The following ASTN2 variants were observed in gnomAD, a reference collection of about 807,000 sequenced individuals.
The protein encoded by ASTN2 is astrotactin-2.
A neutral mutation model predicts 139.8 loss-of-function variants in ASTN2; 54 were observed. The observed-to-expected ratio is 0.39, with a 90% confidence interval of 0.31 to 0.48. ASTN2 has a LOEUF of 0.48. Among genes scored for constraint, ASTN2 ranks in the 20% least tolerant of loss-of-function variants. The probability of loss-of-function intolerance (pLI) is 0.95; values close to 1 mark genes in which losing one functional copy is unlikely to be tolerated. For synonymous variants in ASTN2, 756 were observed against 719.5 expected, an observed-to-expected ratio of 1.05 and a Z score of -0.81; for missense variants, 1,565 against 1,725.1, an observed-to-expected ratio of 0.91 and a Z score of 1.64.
chr9:117,026,805 T>C (rs1043916614), intron 6 of ASTN2, among the ~76,000 whole-genome samples: 6 of 152,186 alleles, frequency 3.9e-5, no homozygotes, highest in Admixed American at 3.3e-4. Flanking sequence ...GGCCTTAAAG[T>C]AGCTTTGGAA....
At chr9:117,246,378 C>G (rs1043135296) in intron 2 of ASTN2, among the ~76,000 whole-genome samples, 1 of 152,184 alleles carries the variant, frequency 6.6e-6, no homozygotes, top group Admixed American at 6.5e-5. Flanking sequence ...AAATTATGCA[C>G]AGTGCAAATC....
intron 5 of ASTN2, among the ~76,000 whole-genome samples, chr9:117,064,878 G>A (rs1392568731): frequency 1.3e-5 from 2 of 151,898 alleles, no homozygotes; most frequent in Non-Finnish European, 2.9e-5. Context: ...TTCAACTGCT[G>A]TTTCTCTGCT....
chr9:116,790,966 GGAAAGAAA>G (rs1180188046), intron 13 of ASTN2, among the ~76,000 whole-genome samples: 5,967 of 65,544 alleles, frequency 0.091, 283 homozygotes, highest in Non-Finnish European at 0.11. Context: ...AAAGAAAGAA[GGAAAGAAA>G]GAAAGAAAGA....
intron 1 of ASTN2, among the ~76,000 whole-genome samples, chr9:117,385,818 AAAG>A (rs768853101): frequency 4.1e-4 from 63 of 152,304 alleles, no homozygotes; most frequent in Non-Finnish European, 7.5e-4. Flanking sequence ...AACTGAGACA[AAAG>A]AAGAGAGAGA....
intron 14 of ASTN2, among the ~76,000 whole-genome samples, chr9:116,732,654 A>C (rs1828819225): frequency 1.3e-5 from 2 of 152,194 alleles, no homozygotes; most frequent in Admixed American, 6.5e-5. Context: ...AGGAACTGGG[A>C]GCAAAAAAAG....
At chr9:117,047,430 C>T (rs1838778559) in intron 5 of ASTN2, among the ~76,000 whole-genome samples, 1 of 152,098 alleles carries the variant, frequency 6.6e-6, no homozygotes, top group Admixed American at 6.6e-5. Context: ...CTATGGTATC[C>T]TTTAAATGAT....
At position 117,253,066 on chromosome 9, in the gene ASTN2, G is replaced by A. The variant is rs554413149; in HGVS notation, c.630+38260C>T. On this transcript the variant is annotated intron_variant, in intron 2 of 22. Coordinates refer to ENST00000313400, the MANE Select transcript of ASTN2 (RefSeq NM_001365068.1). ...AATTATGAAGATTTAAATAGATGAT[G>A]TAGATTGTGTCCATTTTCCTGTCTG... 7.2e-5 allele frequency among the ~76,000 whole-genome samples: 11 copies of A among 152,280 alleles called. No homozygotes were observed. The South Asian group carries it at 2.1e-3, about 29-fold the overall frequency.
intron 16 of ASTN2, among the ~76,000 whole-genome samples, chr9:116,710,981 C>T (rs1339239480): frequency 6.6e-6 from 1 of 152,092 alleles, no homozygotes; most frequent in African/African-American, 2.4e-5. Flanking sequence ...GATGGAAAGG[C>T]ATTAGACATG....
intron 5 of ASTN2, among the ~76,000 whole-genome samples, chr9:117,071,609 C>A (rs1256331139): frequency 2.0e-5 from 3 of 149,902 alleles, no homozygotes; most frequent in Non-Finnish European, 3.0e-5. Context: ...CCTCCCCCAG[C>A]CTCGCTGCCG....
At chr9:117,233,503 T>C (rs1832956923) in intron 2 of ASTN2, among the ~76,000 whole-genome samples, 1 of 152,186 alleles carries the variant, frequency 6.6e-6, no homozygotes, top group African/African-American at 2.4e-5. Context: ...TGTATAAGCA[T>C]ATGTGTGTGT....
chr9:116,922,481 A>G (rs1456464595), intron 10 of ASTN2, among the ~76,000 whole-genome samples: 1 of 152,214 alleles, frequency 6.6e-6, no homozygotes, highest in Non-Finnish European at 1.5e-5. Context: ...ATATAATTCC[A>G]TTTGAAAATA....
At chr9:117,412,058 T>C (rs4273925) in intron 1 of ASTN2, among the ~76,000 whole-genome samples, 147,884 of 147,948 alleles carry the variant, frequency 1, 73,910 homozygotes, top group Non-Finnish European at 1. Flanking sequence ...GCCAGCTAGG[T>C]CCTCCCAGAA....
chr9:116,846,817 A>G (rs1261341436), intron 11 of ASTN2, among the ~76,000 whole-genome samples: 1 of 152,104 alleles, frequency 6.6e-6, no homozygotes, highest in Admixed American at 6.5e-5. Flanking sequence ...TTCTCGCAGT[A>G]GGCAGCACCT....
chr9:116,842,530 G>A (rs1174868261), intron 11 of ASTN2, among the ~76,000 whole-genome samples: 10 of 151,820 alleles, frequency 6.6e-5, no homozygotes, highest in Admixed American at 6.6e-4. Context: ...GAGTGGGAAA[G>A]GCTCTGCCAG....
chr9:116,597,304 T>C (rs1854634236), intron 19 of ASTN2, among the ~76,000 whole-genome samples: 1 of 133,440 alleles, frequency 7.5e-6, no homozygotes, highest in Admixed American at 7.7e-5. Context: ...GATCTATTTT[T>C]TTTTTTTTTT....
At chr9:117,295,177 C>G (rs1834698049) in intron 1 of ASTN2, among the ~76,000 whole-genome samples, 3 of 151,960 alleles carry the variant, frequency 2.0e-5, no homozygotes, top group Admixed American at 2.0e-4. Flanking sequence ...CAAAAATTAA[C>G]CAAGCATGGT....
chr9:116,473,810 G>A (rs1848894462), intron 20 of ASTN2, among the ~76,000 whole-genome samples: 1 of 152,040 alleles, frequency 6.6e-6, no homozygotes, highest in Non-Finnish European at 1.5e-5. Flanking sequence ...GCTGAGGCAG[G>A]AGAATCGCTT....
intron 4 of ASTN2, among the ~76,000 whole-genome samples, chr9:117,099,568 G>T (rs960291946): frequency 1.3e-5 from 2 of 152,156 alleles, no homozygotes; most frequent in Non-Finnish European, 2.9e-5. Flanking sequence ...TCTCTTCCAG[G>T]CACTATTCTA....
chr9:116,677,436 T>C (rs1859577323), intron 16 of ASTN2, among the ~76,000 whole-genome samples: 1 of 152,200 alleles, frequency 6.6e-6, no homozygotes, highest in Non-Finnish European at 1.5e-5. Context: ...TTTGGGGGTA[T>C]CAGAAATTAC....
Sources: gnomAD v4.1 joint callset for allele counts (sites outside exome capture counted in the v4.1 genomes callset) on GRCh38, gnomAD v4.1.1 for gene constraint, MANE v1.5 for transcripts, NCBI Gene and HGNC (gene_info 2026-07-23, HGNC 2026-07-21) for gene names.